Variants in UBE4B observed in about 807,000 individuals in gnomAD.
UBE4B encodes the protein ubiquitin conjugation factor E4 B.
In UBE4B, 27 loss-of-function variants were observed where a neutral mutation model predicts 148.1. That is an observed-to-expected ratio of 0.18 (90% CI 0.13 to 0.25). The LOEUF (loss-of-function observed/expected upper bound fraction) is 0.25, where lower values mean the gene tolerates loss of function less well. Ranked by LOEUF, UBE4B falls within the 10% of genes least tolerant of loss-of-function variation. The probability of loss-of-function intolerance (pLI) is 1.00; values close to 1 mark genes in which losing one functional copy is unlikely to be tolerated. For synonymous variants in UBE4B, 596 were observed against 619.3 expected, an observed-to-expected ratio of 0.96 and a Z score of 0.56; for missense variants, 1,170 against 1,662.4, an observed-to-expected ratio of 0.70 and a Z score of 5.15.
At chr1:10,079,510 T>G (rs550797139) in intron 2 of UBE4B, among the ~76,000 whole-genome samples, 39 of 152,350 alleles carry the variant, frequency 2.6e-4, no homozygotes, top group African/African-American at 9.1e-4. Context: ...CACAATTATA[T>G]AGGAATATAA....
intron 1 of UBE4B, among the ~76,000 whole-genome samples, chr1:10,067,818 C>T (rs1020454709): frequency 1.3e-5 from 2 of 152,056 alleles, no homozygotes; most frequent in Non-Finnish European, 2.9e-5. Context: ...AGCTCCGCCT[C>T]CTGGGTTCAC....
At chr1:10,047,928 G>C (rs139428467) in intron 1 of UBE4B, among the ~76,000 whole-genome samples, 1 of 152,170 alleles carries the variant, frequency 6.6e-6, no homozygotes, top group African/African-American at 2.4e-5. Context: ...CTAGAGTACA[G>C]TGCAGCCTCT....
At chr1:10,134,285 C>T (rs1645641624) in intron 15 of UBE4B, among the ~76,000 whole-genome samples, 2 of 151,448 alleles carry the variant, frequency 1.3e-5, no homozygotes, top group Non-Finnish European at 2.9e-5. Context: ...CCGAGACGGG[C>T]GTATCACCTG....
chr1:10,156,892 G>C (rs1646081573), intron 21 of UBE4B, among the ~76,000 whole-genome samples: 1 of 152,056 alleles, frequency 6.6e-6, no homozygotes, highest in African/African-American at 2.4e-5. Flanking sequence ...TCAAAGACAA[G>C]GTATAGTGGC....
chr1:10,125,002 T>C (rs1163009149), intron 10 of UBE4B, among the ~76,000 whole-genome samples: 1 of 152,140 alleles, frequency 6.6e-6, no homozygotes, highest in Non-Finnish European at 1.5e-5. Context: ...AGTGCATGCC[T>C]GTAGTCCCAG....
At chr1:10,101,733 CT>C (rs2101886426) in intron 4 of UBE4B, among the ~76,000 whole-genome samples, 1 of 152,154 alleles carries the variant, frequency 6.6e-6, no homozygotes, top group African/African-American at 2.4e-5. Flanking sequence ...TGGTCTTGAT[CT>C]ATTGACCTTA....
At chr1:10,127,399 G>A (rs773867431) in intron 11 of UBE4B, among the ~76,000 whole-genome samples, 1 of 152,154 alleles carries the variant, frequency 6.6e-6, no homozygotes, top group African/African-American at 2.4e-5. Context: ...CGCACTTAGA[G>A]CAGGCATACA....
chr1:10,152,291 A>G (rs1404928486), intron 21 of UBE4B, among the ~76,000 whole-genome samples: 2 of 147,512 alleles, frequency 1.4e-5, no homozygotes, highest in Non-Finnish European at 3.0e-5. Flanking sequence ...AATAATAATA[A>G]TAATACCACT....
intron 1 of UBE4B, among the ~76,000 whole-genome samples, chr1:10,060,143 A>G (rs867676249): frequency 1.8e-4 from 28 of 152,252 alleles, no homozygotes; most frequent in African/African-American, 6.5e-4. Flanking sequence ...TGGTGATTTA[A>G]AACAAGCAAC....
At chr1:10,129,175 A>AT in intron 11 of UBE4B, 1 of 480,700 alleles carries the variant, frequency 2.1e-6, no homozygotes, top group South Asian at 4.1e-5. Flanking sequence ...TTTTAGTTTC[A>AT]TTTTATATTT....
At chr1:10,067,842 C>G (rs756361238) in intron 1 of UBE4B, among the ~76,000 whole-genome samples, 4 of 151,978 alleles carry the variant, frequency 2.6e-5, no homozygotes, top group Non-Finnish European at 5.9e-5. Flanking sequence ...ATTCTCCTGC[C>G]TCAGCTTCCC....
Position 10,096,893 on chromosome 1 carries a change from G to C in UBE4B, c.347+1297G>C, listed in dbSNP as rs534209206. ...GTCTCTACTAAAAATACAAAAATTA[G>C]CTGGGTGTGGTGTTGCATGCCTGTA... is the stretch of plus-strand genomic sequence containing the variant. On this transcript the variant is annotated intron_variant, in intron 3 of 27. Transcript: ENST00000343090. 2.0e-5 allele frequency among the ~76,000 whole-genome samples: 3 copies of C among 152,016 alleles called. No individual in the cohort carries two copies. In the South Asian group the frequency reaches 6.2e-4, roughly 32 times the overall value.
At chr1:10,165,081 T>C (rs1646226547) in intron 23 of UBE4B, among the ~76,000 whole-genome samples, 1 of 152,152 alleles carries the variant, frequency 6.6e-6, no homozygotes, top group African/African-American at 2.4e-5. Flanking sequence ...ACCTGTGTTC[T>C]AAAGACTCCA....
At chr1:10,109,464 A>G (rs1031496263) in intron 7 of UBE4B, among the ~76,000 whole-genome samples, 4 of 152,276 alleles carry the variant, frequency 2.6e-5, no homozygotes, top group Non-Finnish European at 5.9e-5. Flanking sequence ...GTCAGTTGAT[A>G]TGTCCCTTGT....
intron 1 of UBE4B, among the ~76,000 whole-genome samples, chr1:10,043,192 A>G (rs1311548424): frequency 4.0e-5 from 6 of 151,118 alleles, no homozygotes; most frequent in Admixed American, 4.0e-4. Flanking sequence ...TATTCTTAGC[A>G]CAGTTGGAGT....
intron 3 of UBE4B, among the ~76,000 whole-genome samples, chr1:10,098,416 A>G (rs1423844344): frequency 1.3e-5 from 2 of 152,342 alleles, no homozygotes; most frequent in South Asian, 2.1e-4. Flanking sequence ...TGTGGCACAG[A>G]CAAAGTTCAC....
intron 23 of UBE4B, among the ~76,000 whole-genome samples, chr1:10,165,497 A>C (rs1156236686): frequency 2.0e-5 from 3 of 152,146 alleles, no homozygotes; most frequent in Non-Finnish European, 4.4e-5. Flanking sequence ...CACTCAGCTC[A>C]GCCATTTTGG....
chr1:10,178,963 C>A, intron 26 of UBE4B, 145 bp downstream of exon 26: 1 of 825,432 alleles, frequency 1.2e-6, no homozygotes, highest in Non-Finnish European at 1.7e-6. Flanking sequence ...TTACATTTGC[C>A]TATTTTTAGC....
chr1:10,082,954 C>T (rs1349374687), intron 2 of UBE4B, among the ~76,000 whole-genome samples: 1 of 152,058 alleles, frequency 6.6e-6, no homozygotes, highest in African/African-American at 2.4e-5. Flanking sequence ...TGGTGGCTTC[C>T]ACCTTCATCC....
Sources: gnomAD v4.1 joint callset for allele counts (sites outside exome capture counted in the v4.1 genomes callset) on GRCh38, gnomAD v4.1.1 for gene constraint, MANE v1.5 for transcripts, NCBI Gene and HGNC (gene_info 2026-07-23, HGNC 2026-07-21) for gene names.